Variants in ARHGAP24 observed in about 807,000 individuals in gnomAD.
ARHGAP24 encodes the protein rho GTPase-activating protein 24.
Under a neutral mutation model 76.4 loss-of-function variants are expected in ARHGAP24, and 50 were observed. That is an observed-to-expected ratio of 0.65 (90% CI 0.52 to 0.83). ARHGAP24 has a LOEUF of 0.83. ARHGAP24 is among the 40% of genes least tolerant of loss of function. ARHGAP24 has a pLI of 0.00. For missense variants in ARHGAP24, 930 were observed against 914.2 expected, an observed-to-expected ratio of 1.02 and a Z score of -0.22; for synonymous variants, 345 against 323.3, an observed-to-expected ratio of 1.07 and a Z score of -0.72.
At chr4:85,679,507 A>G (rs1723121256) in intron 2 of ARHGAP24, among the ~76,000 whole-genome samples, 1 of 152,150 alleles carries the variant, frequency 6.6e-6, no homozygotes, top group South Asian at 2.1e-4. Flanking sequence ...TCACCCCTGC[A>G]TACTTGTATC....
intron 2 of ARHGAP24, among the ~76,000 whole-genome samples, chr4:85,642,079 G>C (rs1303366659): frequency 6.6e-6 from 1 of 152,056 alleles, no homozygotes; most frequent in Non-Finnish European, 1.5e-5. Flanking sequence ...TCTGAAATGG[G>C]AGTCTTGTGA....
At chr4:85,894,099 T>TAAAAAAAAAA (rs11394803) in intron 3 of ARHGAP24, among the ~76,000 whole-genome samples, 2 of 131,348 alleles carry the variant, frequency 1.5e-5, no homozygotes, top group Admixed American at 7.7e-5. Context: ...TAGAGTATAA[T>TAAAAAAAAAA]AAAAAAAAAA....
intron 3 of ARHGAP24, among the ~76,000 whole-genome samples, chr4:85,773,706 C>T (rs1020117428): frequency 1.1e-4 from 16 of 152,086 alleles, no homozygotes; most frequent in African/African-American, 3.9e-4. Flanking sequence ...ATGGGCTCAA[C>T]AAATATAGGC....
chr4:85,923,798 A>G (rs759191346), intron 4 of ARHGAP24, 28 bp downstream of exon 4: 23 of 1,613,536 alleles, frequency 1.4e-5, no homozygotes, highest in East Asian at 4.5e-5. Flanking sequence ...TCATGGAAAA[A>G]CAGAAAGGTA....
intron 5 of ARHGAP24, among the ~76,000 whole-genome samples, chr4:85,960,772 C>G (rs1436528): frequency 0.21 from 31,760 of 151,972 alleles, 3,579 homozygotes; most frequent in South Asian, 0.39. Flanking sequence ...TTTTTGTCAT[C>G]TAAGGCCAAA....
intron 2 of ARHGAP24, among the ~76,000 whole-genome samples, chr4:85,672,628 A>G (rs902468970): frequency 2.0e-5 from 3 of 152,170 alleles, no homozygotes; most frequent in Admixed American, 2.0e-4. Context: ...CACAAACCAA[A>G]AAGAGAGGTA....
intron 3 of ARHGAP24, among the ~76,000 whole-genome samples, chr4:85,824,028 C>CA (rs36004944): frequency 6.6e-6 from 1 of 151,816 alleles, no homozygotes; most frequent in Non-Finnish European, 1.5e-5. Flanking sequence ...TACCATCCAG[C>CA]AAAAAAACAC....
chr4:85,505,807 G>A (rs1724022259), intron 1 of ARHGAP24, among the ~76,000 whole-genome samples: 1 of 152,002 alleles, frequency 6.6e-6, no homozygotes, highest in African/African-American at 2.4e-5. Flanking sequence ...GAGGTGCTCT[G>A]GTTTTTAGAA....
chr4:85,591,913 C>A (rs1226531796), intron 2 of ARHGAP24, among the ~76,000 whole-genome samples: 3 of 152,140 alleles, frequency 2.0e-5, no homozygotes, highest in Non-Finnish European at 4.4e-5. Context: ...CCACAGCCAA[C>A]CAACCACACT....
intron 2 of ARHGAP24, among the ~76,000 whole-genome samples, chr4:85,693,647 G>T (rs779312499): frequency 2.0e-5 from 3 of 152,212 alleles, no homozygotes; most frequent in Non-Finnish European, 4.4e-5. Context: ...ACACCAGCCA[G>T]GTCAACAACA....
At chr4:85,703,127 G>A (rs976676729) in intron 2 of ARHGAP24, among the ~76,000 whole-genome samples, 1 of 152,080 alleles carries the variant, frequency 6.6e-6, no homozygotes, top group African/African-American at 2.4e-5. Flanking sequence ...TATGAAAGAA[G>A]TAGATTTTAT....
At chr4:85,662,523 T>G (rs1722437200) in intron 2 of ARHGAP24, among the ~76,000 whole-genome samples, 1 of 151,482 alleles carries the variant, frequency 6.6e-6, no homozygotes, top group Non-Finnish European at 1.5e-5. Flanking sequence ...TTAGTTTAAT[T>G]AGATCCCATT....
chr4:85,704,004 A>G (rs1418975922), intron 2 of ARHGAP24, among the ~76,000 whole-genome samples: 1 of 152,170 alleles, frequency 6.6e-6, no homozygotes, highest in Non-Finnish European at 1.5e-5. Flanking sequence ...CTTTGCCAGA[A>G]AGTTATATTA....
intron 5 of ARHGAP24, among the ~76,000 whole-genome samples, chr4:85,944,705 G>A (rs961435192): frequency 9.9e-5 from 15 of 152,130 alleles, no homozygotes; most frequent in African/African-American, 2.9e-4. Context: ...TAAGCCCAAC[G>A]CGTGACCGTG....
intron 5 of ARHGAP24, among the ~76,000 whole-genome samples, chr4:85,969,650 T>G (rs928746116): frequency 2.6e-5 from 4 of 152,166 alleles, no homozygotes; most frequent in African/African-American, 9.6e-5. Flanking sequence ...GCTGTGGTTT[T>G]TTTACTACTA....
intron 3 of ARHGAP24, among the ~76,000 whole-genome samples, chr4:85,863,168 A>G (rs1731999267): frequency 2.0e-5 from 3 of 151,896 alleles, no homozygotes; most frequent in Admixed American, 2.0e-4. Context: ...ACAACACAAC[A>G]AGGATTTTTT....
intron 2 of ARHGAP24, among the ~76,000 whole-genome samples, chr4:85,627,924 A>G (rs1423551229): frequency 3.9e-5 from 6 of 152,196 alleles, no homozygotes; most frequent in Middle Eastern, 3.4e-3. Context: ...AGCCCATTGG[A>G]AAAGCGCAGT....
In ARHGAP24 at chr4:85,813,016, A is replaced by G. The variant is rs183847569; in HGVS notation, c.268+91044A>G. Among the ~76,000 whole-genome samples, 409 of 152,250 alleles carry G rather than the reference A, an allele frequency of 2.7e-3. 3 individuals carry two copies. The Middle Eastern group carries it at 0.034, about 13-fold the overall frequency. On this transcript the variant is annotated intron_variant, in intron 3 of 9. Transcript: ENST00000395184. Reference sequence around the variant, plus strand: ...TTAGACATATGTCTGTCAACCAGAAAACAGTTTCTTTTTTCACCCCTTGAG... The same window carrying G: ...TTAGACATATGTCTGTCAACCAGAAGACAGTTTCTTTTTTCACCCCTTGAG...
chr4:85,844,856 G>A (rs1409646478), intron 3 of ARHGAP24, among the ~76,000 whole-genome samples: 1 of 152,202 alleles, frequency 6.6e-6, no homozygotes, highest in Non-Finnish European at 1.5e-5. Context: ...AATCTTAGGG[G>A]AGATGGGGAT....
Sources: gnomAD v4.1 joint callset for allele counts (sites outside exome capture counted in the v4.1 genomes callset) on GRCh38, gnomAD v4.1.1 for gene constraint, MANE v1.5 for transcripts, NCBI Gene and HGNC (gene_info 2026-07-23, HGNC 2026-07-21) for gene names.